Variants in NKAIN2 observed in about 807,000 individuals in gnomAD.
NKAIN2 encodes sodium/potassium transporting ATPase interacting 2.
Under a neutral mutation model 32.6 loss-of-function variants are expected in NKAIN2, and 14 were observed. The ratio of observed to expected loss-of-function variants is 0.43; its 90% CI spans 0.28 to 0.67. The LOEUF (loss-of-function observed/expected upper bound fraction) is 0.67. Ranked by LOEUF, NKAIN2 falls within the 30% of genes least tolerant of loss-of-function variation. The pLI is 0.17. For synonymous variants in NKAIN2, 80 were observed against 87.2 expected, an observed-to-expected ratio of 0.92 and a Z score of 0.46; for missense variants, 198 against 258.3, an observed-to-expected ratio of 0.77 and a Z score of 1.60.
chr6:124,665,787 C>A (rs1490483189), intron 4 of NKAIN2, among the ~76,000 whole-genome samples: 2 of 152,170 alleles, frequency 1.3e-5, no homozygotes, highest in Admixed American at 1.3e-4. Flanking sequence ...CCTTTTTAGG[C>A]CCTGAGAGTC....
intron 1 of NKAIN2, among the ~76,000 whole-genome samples, chr6:123,904,602 G>C (rs910932904): frequency 6.6e-6 from 1 of 152,304 alleles, no homozygotes; most frequent in African/African-American, 2.4e-5. Context: ...TTCTCCAAAA[G>C]TGTTATACAT....
chr6:124,065,472 A>G (rs1783122432), intron 1 of NKAIN2, among the ~76,000 whole-genome samples: 1 of 152,150 alleles, frequency 6.6e-6, no homozygotes, highest in Non-Finnish European at 1.5e-5. Context: ...CATGGGACAG[A>G]GCCCTCATGA....
At chr6:124,150,638 C>T (rs1787666102) in intron 1 of NKAIN2, among the ~76,000 whole-genome samples, 1 of 152,092 alleles carries the variant, frequency 6.6e-6, no homozygotes, top group Non-Finnish European at 1.5e-5. Flanking sequence ...ATACTCAATT[C>T]TGTATGAAAA....
In NKAIN2 at chr6:124,718,447, G is replaced by A. The variant is rs191712218; in HGVS notation, c.474+60061G>A. Among the ~76,000 whole-genome samples, 962 of 152,240 alleles carry A rather than the reference G, an allele frequency of 6.3e-3. 5 individuals carry two copies. Among genetic ancestry groups the A allele is most frequent in the Admixed American group, 0.011 (162 of 15,290 alleles). On this transcript the variant is annotated intron_variant, in intron 4 of 6. Transcript: ENST00000368417. ...TATTGCCAAACGTGTTCCAGTGTAT[G>A]AATGTGTCACATTTTGCTTATCTGT...
intron 3 of NKAIN2, among the ~76,000 whole-genome samples, chr6:124,421,723 G>A (rs1774759515): frequency 6.6e-6 from 1 of 152,154 alleles, no homozygotes; most frequent in South Asian, 2.1e-4. Context: ...GGAAGCATAT[G>A]AGGAAAACTA....
At chr6:124,333,992 T>A (rs1016580542) in intron 2 of NKAIN2, among the ~76,000 whole-genome samples, 6 of 152,212 alleles carry the variant, frequency 3.9e-5, no homozygotes, top group East Asian at 3.9e-4. Context: ...TTGACCATTT[T>A]AAAAAAAAGT....
At chr6:124,252,253 T>C (rs1582928926) in intron 1 of NKAIN2, among the ~76,000 whole-genome samples, 1 of 152,142 alleles carries the variant, frequency 6.6e-6, no homozygotes, top group South Asian at 2.1e-4. Flanking sequence ...AATCTACAGG[T>C]AAATGTATCA....
intron 4 of NKAIN2, among the ~76,000 whole-genome samples, chr6:124,675,811 A>AT (rs984121455): frequency 3.3e-5 from 5 of 150,116 alleles, no homozygotes; most frequent in Non-Finnish European, 5.9e-5. Context: ...TTTTTTTAAT[A>AT]TTTTTTTCCA....
At chr6:123,895,332 C>T (rs1341878350) in intron 1 of NKAIN2, among the ~76,000 whole-genome samples, 1 of 152,094 alleles carries the variant, frequency 6.6e-6, no homozygotes, top group Non-Finnish European at 1.5e-5. Context: ...CTGACTACAT[C>T]CTCCTTCTTT....
At chr6:124,403,076 G>A (rs539604780) in intron 3 of NKAIN2, among the ~76,000 whole-genome samples, 22 of 151,586 alleles carry the variant, frequency 1.5e-4, no homozygotes, top group South Asian at 1.2e-3. Context: ...TCAGAATTAC[G>A]TTGATTCATT....
At chr6:124,523,589 G>A (rs1779203906) in intron 3 of NKAIN2, among the ~76,000 whole-genome samples, 1 of 151,960 alleles carries the variant, frequency 6.6e-6, no homozygotes, top group Non-Finnish European at 1.5e-5. Context: ...TGGTGAGTTA[G>A]ATCTTGGCAA....
chr6:124,525,350 T>G (rs1562237844), intron 3 of NKAIN2, among the ~76,000 whole-genome samples: 1 of 152,154 alleles, frequency 6.6e-6, no homozygotes, highest in African/African-American at 2.4e-5. Flanking sequence ...TTGATAAAAT[T>G]TGTATCTATT....
chr6:124,015,131 C>T lies in NKAIN2; in HGVS notation c.54+210877C>T, dbSNP rs1248893751. 2.6e-5 allele frequency among the ~76,000 whole-genome samples: 4 copies of T among 152,124 alleles called. No homozygotes were observed. In the South Asian group the frequency reaches 6.2e-4, roughly 24 times the overall value. On this transcript the variant is annotated intron_variant, in intron 1 of 6. Coordinates refer to ENST00000368417, the MANE Select transcript of NKAIN2 (RefSeq NM_001040214.3). ...TAAAGGGCATGTGCTACTGCCTGTCCAAATACCATTTCTCTCATTTTCTTT... is the reference window on the plus strand; with the variant it reads ...TAAAGGGCATGTGCTACTGCCTGTCTAAATACCATTTCTCTCATTTTCTTT...
At chr6:124,409,193 C>T (rs187687794) in intron 3 of NKAIN2, among the ~76,000 whole-genome samples, 2 of 152,252 alleles carry the variant, frequency 1.3e-5, no homozygotes, top group East Asian at 1.9e-4. Context: ...ATTTCCTTCT[C>T]CTGCCTGATT....
chr6:124,329,587 C>T (rs1305508661), intron 2 of NKAIN2, among the ~76,000 whole-genome samples: 8 of 151,560 alleles, frequency 5.3e-5, no homozygotes, highest in African/African-American at 9.7e-5. Flanking sequence ...GGGTCCACTG[C>T]TCCACCCCTG....
At chr6:124,452,539 T>A (rs1338878261) in intron 3 of NKAIN2, among the ~76,000 whole-genome samples, 1 of 152,144 alleles carries the variant, frequency 6.6e-6, no homozygotes. Context: ...ATATGTAACC[T>A]TTTTACTGAT....
At chr6:124,146,442 A>T (rs1018375429) in intron 1 of NKAIN2, among the ~76,000 whole-genome samples, 1 of 152,224 alleles carries the variant, frequency 6.6e-6, no homozygotes, top group East Asian at 1.9e-4. Flanking sequence ...ATTGGAATTC[A>T]TGTACCATTG....
At chr6:124,463,487 A>G (rs922414029) in intron 3 of NKAIN2, among the ~76,000 whole-genome samples, 9 of 152,002 alleles carry the variant, frequency 5.9e-5, no homozygotes, top group African/African-American at 1.7e-4. Context: ...TTTATTCCCT[A>G]CAACATAACA....
At chr6:123,832,734 G>A (rs1482933476) in intron 1 of NKAIN2, among the ~76,000 whole-genome samples, 1 of 152,114 alleles carries the variant, frequency 6.6e-6, no homozygotes, top group Non-Finnish European at 1.5e-5. Flanking sequence ...ATGATGTGGA[G>A]CATTTTCTTG....
Sources: gnomAD v4.1 joint callset for allele counts (sites outside exome capture counted in the v4.1 genomes callset) on GRCh38, gnomAD v4.1.1 for gene constraint, MANE v1.5 for transcripts, NCBI Gene and HGNC (gene_info 2026-07-23, HGNC 2026-07-21) for gene names.